Variants in SLC4A5 observed in about 807,000 individuals in gnomAD.
SLC4A5 encodes the protein electrogenic sodium bicarbonate cotransporter 4.
In SLC4A5, 96 loss-of-function variants were observed where a neutral mutation model predicts 120.4. The observed-to-expected ratio is 0.80, with a 90% CI of 0.68 to 0.94. The LOEUF is 0.94. Among genes scored for constraint, SLC4A5 ranks in the 40% least tolerant of loss-of-function variants. The pLI is 0.00. For synonymous variants in SLC4A5, 550 were observed against 571.1 expected (o/e 0.96, Z 0.53); for missense variants, 1,259 against 1,459.5 (o/e 0.86, Z 2.24).
At chr2:74,244,925 G>T (rs1306051677) in intron 19 of SLC4A5, among the ~76,000 whole-genome samples, 2 of 152,190 alleles carry the variant, frequency 1.3e-5, no homozygotes, top group Non-Finnish European at 2.9e-5. Context: ...TTGGGAACAG[G>T]TGGCTTCATT....
intron 8 of SLC4A5, among the ~76,000 whole-genome samples, chr2:74,268,069 A>C (rs1671361296): frequency 6.6e-6 from 1 of 152,128 alleles, no homozygotes; most frequent in Non-Finnish European, 1.5e-5. Context: ...TTACTAGCTG[A>C]AAATCTCGAG....
chr2:74,270,733 C>A (rs892010177), intron 8 of SLC4A5, among the ~76,000 whole-genome samples: 1 of 152,194 alleles, frequency 6.6e-6, no homozygotes, highest in African/African-American at 2.4e-5. Flanking sequence ...AGGAGGGTGA[C>A]CCTGCCATGG....
intron 2 of SLC4A5, 152 bp from the exon 3 acceptor site, chr2:74,339,055 A>T (rs1673563896): frequency 6.6e-6 from 1 of 152,240 alleles, no homozygotes; most frequent in African/African-American, 2.4e-5. Flanking sequence ...GGCTGTTATC[A>T]TCCGAGCATT....
intron 8 of SLC4A5, among the ~76,000 whole-genome samples, chr2:74,279,214 GA>G (rs1401747447): frequency 6.6e-6 from 1 of 152,220 alleles, no homozygotes; most frequent in Non-Finnish European, 1.5e-5. Context: ...AAGCATCTTG[GA>G]AGAACTGTCA....
chr2:74,326,110 C>T (rs948768763), intron 5 of SLC4A5, among the ~76,000 whole-genome samples: 1 of 152,002 alleles, frequency 6.6e-6, no homozygotes, highest in Non-Finnish European at 1.5e-5. Flanking sequence ...ATAATAAGTC[C>T]CTCCTTGGTA....
intron 28 of SLC4A5, 23 bp from the exon 29 acceptor site, chr2:74,222,975 G>A (rs766378680): frequency 2.4e-5 from 36 of 1,516,008 alleles, no homozygotes; most frequent in Non-Finnish European, 3.2e-5. Context: ...AGTGGGAAAA[G>A]AGGATAAACA....
chr2:74,239,195 G>A, intron 21 of SLC4A5, 140 bp downstream of exon 21: 2 of 711,016 alleles, frequency 2.8e-6, no homozygotes, highest in South Asian at 3.6e-5. Flanking sequence ...AGGGAACACA[G>A]TTCTCTCTGA....
chr2:74,275,613 C>T (rs1392516259), intron 8 of SLC4A5, among the ~76,000 whole-genome samples: 1 of 148,784 alleles, frequency 6.7e-6, no homozygotes, highest in African/African-American at 2.5e-5. Context: ...GAAGACAATG[C>T]CTTCCCAAGG....
chr2:74,309,808 A>G (rs779107235), intron 6 of SLC4A5, among the ~76,000 whole-genome samples: 58 of 151,356 alleles, frequency 3.8e-4, no homozygotes, highest in Non-Finnish European at 7.2e-4. Context: ...GGTGCCCACC[A>G]CCACGCCCGG....
At chr2:74,330,444 G>A (rs568060726) in intron 4 of SLC4A5, among the ~76,000 whole-genome samples, 54 of 149,742 alleles carry the variant, frequency 3.6e-4, no homozygotes, top group African/African-American at 1.3e-3. Context: ...GGAGATGTGT[G>A]GTTTAGGTGT....
At chr2:74,286,510 CTCTT>C (rs907918714) in intron 7 of SLC4A5, among the ~76,000 whole-genome samples, 1 of 152,190 alleles carries the variant, frequency 6.6e-6, no homozygotes, top group Non-Finnish European at 1.5e-5. Flanking sequence ...TGTTCTTTCT[CTCTT>C]TTTCTTTCTT....
intron 21 of SLC4A5, among the ~76,000 whole-genome samples, chr2:74,237,253 G>C (rs958737915): frequency 6.6e-6 from 1 of 152,222 alleles, no homozygotes; most frequent in Non-Finnish European, 1.5e-5. Context: ...TGGGATTACA[G>C]GCGTGAGCCA....
intron 29 of SLC4A5, 80 bp downstream of exon 29, chr2:74,222,788 G>T: frequency 8.0e-7 from 1 of 1,250,192 alleles, no homozygotes; most frequent in Non-Finnish European, 1.2e-6. Context: ...AGATCCCCCT[G>T]AGTTACAGAT....
chr2:74,264,324 A>G, intron 9 of SLC4A5, 25 bp from the exon 10 acceptor site: 1 of 1,608,060 alleles, frequency 6.2e-7, no homozygotes. Context: ...TACACACCTC[A>G]TCCCTGTGGG....
At chr2:74,238,216 C>T (rs184108024) in intron 21 of SLC4A5, among the ~76,000 whole-genome samples, 296 of 152,126 alleles carry the variant, frequency 1.9e-3, no homozygotes, top group African/African-American at 6.8e-3. Flanking sequence ...ACTTAAAGAT[C>T]AAAATGTATA....
intron 1 of SLC4A5, among the ~76,000 whole-genome samples, chr2:74,342,992 C>T (rs1673658985): frequency 2.0e-5 from 3 of 152,092 alleles, no homozygotes; most frequent in African/African-American, 4.8e-5. Context: ...TAGGTCTCAG[C>T]CCCTGACTTT....
rs556358110 is a variant in SLC4A5, at chr2:74,258,953, T to C, written c.867+635A>G. ...ATCTTTCTTCCTACTCCTGGGGAGA[T>C]AGACAAGGGGACCATGGGGCCTCCT... is the stretch of plus-strand genomic sequence containing the variant. On this transcript the variant is annotated intron_variant, in intron 12 of 30. Transcript: ENST00000394019. 4.6e-5 allele frequency among the ~76,000 whole-genome samples: 7 copies of C among 152,208 alleles called. No homozygotes were observed. In the South Asian group the frequency reaches 6.2e-4, roughly 14 times the overall value.
chr2:74,219,910 G>A (rs747098407), intron 30 of SLC4A5, among the ~76,000 whole-genome samples: 3 of 152,206 alleles, frequency 2.0e-5, no homozygotes, highest in Non-Finnish European at 2.9e-5. Context: ...TGCTGCTTAG[G>A]GAGGGTTGAA....
intron 12 of SLC4A5, among the ~76,000 whole-genome samples, chr2:74,258,718 G>T (rs991938931): frequency 6.6e-6 from 1 of 152,218 alleles, no homozygotes; most frequent in Non-Finnish European, 1.5e-5. Flanking sequence ...GTGATTCACA[G>T]AAAATGCCTG....
Sources: allele counts gnomAD v4.1 joint callset (sites outside exome capture counted in the v4.1 genomes callset), GRCh38; gene constraint gnomAD v4.1.1; transcripts MANE v1.5; gene names NCBI Gene and HGNC (gene_info 2026-07-23, HGNC 2026-07-21).